CEP68: variants seen among roughly 807,000 people sequenced by gnomAD.
The protein encoded by CEP68 is centrosomal protein of 68 kDa.
CEP68 carries 26 observed loss-of-function variants against 55.3 expected under a neutral mutation model. That is an observed-to-expected ratio of 0.47 (90% CI 0.34 to 0.65). The LOEUF (loss-of-function observed/expected upper bound fraction) is 0.65. CEP68 is among the 30% of genes least tolerant of loss of function. The pLI is 0.01. For missense variants in CEP68, 957 were observed against 946.7 expected (o/e 1.01, Z -0.14); for synonymous variants, 402 against 383.2 (o/e 1.05, Z -0.57).
intron 1 of CEP68, among the ~76,000 whole-genome samples, chr2:65,066,935 A>G (rs1676218331): frequency 6.8e-6 from 1 of 147,464 alleles, no homozygotes; most frequent in Admixed American, 6.8e-5. Context: ...CTCTGTCTCA[A>G]AAAAAAAAAA....
At chr2:65,066,739 A>AG in intron 1 of CEP68, among the ~76,000 whole-genome samples, 1 of 97,158 alleles carries the variant, frequency 1.0e-5, no homozygotes, top group Non-Finnish European at 2.0e-5. Flanking sequence ...AAAAAAAAAA[A>AG]AAAAAAATAT....
At chr2:65,077,645 G>A (rs1676826871) in intron 4 of CEP68, among the ~76,000 whole-genome samples, 1 of 152,188 alleles carries the variant, frequency 6.6e-6, no homozygotes, top group African/African-American at 2.4e-5. Context: ...TGCTTCTGAT[G>A]TCAAACTAAA....
Position 65,072,142 on chromosome 2 carries a change from CACCTACTAATGTCTCCCCCAACTG to C in CEP68, c.1047_1070del (p.Thr351_Pro358del). On this transcript the variant is annotated inframe_deletion, in exon 3 of 7. Transcript: ENST00000377990. ...GTCTCTCCAGCAAGCACCCTCAAATCACCTACTAATGTCTCCCCCAACTGCCCACCAGCAGAGGCCACTGCCCTG... is the reference window on the plus strand; with the variant it reads ...GTCTCTCCAGCAAGCACCCTCAAATCCCCACCAGCAGAGGCCACTGCCCTG... 1 of 1,614,110 alleles carries C rather than the reference CACCTACTAATGTCTCCCCCAACTG, an allele frequency of 6.2e-7. No homozygotes were observed. The highest frequency in any genetic ancestry group is 1.1e-5 in the South Asian group (1 of 91,080).
In CEP68 at chr2:65,085,286, A is replaced by G. The variant is rs1161808146; in HGVS notation, c.*1652A>G. 6.6e-6 allele frequency: 1 copy of G among 152,230 alleles called. No homozygotes were observed. Among genetic ancestry groups the G allele is most frequent in the East Asian group, 1.9e-4 (1 of 5,196 alleles). The allele number at this position is 152,230 out of a possible 1,614,324, so 9.4% of individuals were successfully genotyped here. On this transcript the variant is annotated 3_prime_UTR_variant, in exon 7 of 7. Coordinates refer to ENST00000377990, the MANE Select transcript of CEP68 (RefSeq NM_015147.3). ...TGTGGCATTCTATTCCCATTCAACT[A>G]ATAATCAGCTTCAACTGACAGGAAT...
At chr2:65,077,667 ACTGACT>A (rs1287504962) in intron 4 of CEP68, among the ~76,000 whole-genome samples, 195 bp from the exon 5 acceptor site, 1 of 152,170 alleles carries the variant, frequency 6.6e-6, no homozygotes, top group African/African-American at 2.4e-5. Context: ...AGGAAAAACT[ACTGACT>A]CTATTTACCT....
chr2:65,062,951 C>G (rs1675984776), intron 1 of CEP68, among the ~76,000 whole-genome samples: 1 of 152,206 alleles, frequency 6.6e-6, no homozygotes, highest in Non-Finnish European at 1.5e-5. Context: ...AGCCTCACCC[C>G]TCCCACAGTT....
At chr2:65,058,249 A>G (rs1236999731) in intron 1 of CEP68, among the ~76,000 whole-genome samples, 3 of 152,122 alleles carry the variant, frequency 2.0e-5, no homozygotes, top group Non-Finnish European at 4.4e-5. Context: ...TCCATCACCC[A>G]GGCTGGAGTA....
chr2:65,063,495 T>C (rs1467662068), intron 1 of CEP68, among the ~76,000 whole-genome samples: 1 of 152,196 alleles, frequency 6.6e-6, no homozygotes. Flanking sequence ...ATTAGGAAAT[T>C]GTTTAAAGCT....
chr2:65,074,288 T>A lies in CEP68; in HGVS notation c.1891T>A (p.Cys631Ser). 6.2e-7 allele frequency: 1 copy of A among 1,614,192 alleles called. No individual in the cohort carries two copies. The highest frequency in any genetic ancestry group is 8.5e-7 in the Non-Finnish European group (1 of 1,179,998). The stretch of plus-strand genomic sequence containing the variant: ...CTTTTATTTGTCTCTGCAGACATTT[T>A]GCTGTCAGCTGGAAGAGCTGATCTG... ...ESLVQCVKTF[C>S]CQLEELICWL... Residue 631 changes from cysteine to serine, a missense_variant, in exon 4 of 7, where the codon TGC becomes AGC. Transcript: ENST00000377990.
chr2:65,077,892 C>T lies in CEP68; in HGVS notation c.2032C>T (p.His678Tyr). The T allele has an allele frequency of 6.2e-7, 1 of 1,613,694 alleles. No individual in the cohort carries two copies. The highest frequency in any genetic ancestry group is 2.2e-5 in the East Asian group (1 of 44,878). ...GCAATTTAAGAAAGATATAGATGAACATCAGTCTCTGACGGAGAGTGTCTT... is the reference window on the plus strand; with the variant it reads ...GCAATTTAAGAAAGATATAGATGAATATCAGTCTCTGACGGAGAGTGTCTT... ...YRQFKKDIDE[H>Y]QSLTESVLQK... is the part of the protein sequence containing the mutation. Residue 678 changes from histidine (H) to tyrosine (Y), a missense_variant, in exon 5 of 7, where the codon CAT (histidine) becomes TAT (tyrosine). His to Tyr is a moderately conservative substitution (Grantham distance 83). Transcript: ENST00000377990.
chr2:65,065,355 A>G (rs1676115767), intron 1 of CEP68, among the ~76,000 whole-genome samples: 1 of 152,252 alleles, frequency 6.6e-6, no homozygotes, highest in African/African-American at 2.4e-5. Context: ...CTAATAAGGG[A>G]CTGGTGAAAT....
In CEP68 at chr2:65,072,668, T is replaced by G. The variant is rs202182197; in HGVS notation, c.1572T>G (p.Ser524Arg). Reference protein sequence around the residue: ...KGQSPLEVSDSDGPASFPSSS... With the variant: ...KGQSPLEVSDRDGPASFPSSS... ...AGAGCCCCTTGGAAGTGTCAGACAG[T>G]GATGGGCCAGCTTCCTTCCCTTCAA... Residue 524 changes from serine (S) to arginine (R), a missense_variant, in exon 3 of 7, where the codon AGT (serine) becomes AGG (arginine). Coordinates refer to ENST00000377990, the MANE Select transcript of CEP68 (RefSeq NM_015147.3). The G allele has an allele frequency of 2.9e-4, 460 of 1,613,988 alleles. 1 individual carries two copies. Among genetic ancestry groups the G allele is most frequent in the Non-Finnish European group, 3.1e-4 (361 of 1,179,998 alleles).
intron 1 of CEP68, among the ~76,000 whole-genome samples, chr2:65,065,478 T>C (rs1676121061): frequency 6.6e-6 from 1 of 152,214 alleles, no homozygotes. Flanking sequence ...TTGGAAACCG[T>C]GACTCTGCCA....
intron 1 of CEP68, among the ~76,000 whole-genome samples, chr2:65,065,726 T>C (rs1020985206): frequency 6.6e-6 from 1 of 152,118 alleles, no homozygotes; most frequent in African/African-American, 2.4e-5. Context: ...CCCAGCACTT[T>C]GGGAGGCCAA....
At chr2:65,066,624 A>T (rs942537181) in intron 1 of CEP68, among the ~76,000 whole-genome samples, 2 of 149,116 alleles carry the variant, frequency 1.3e-5, no homozygotes, top group African/African-American at 4.9e-5. Flanking sequence ...GCTACTCGGG[A>T]GGCTGAGGCA....
At chr2:65,076,502 G>A (rs910476524) in intron 4 of CEP68, among the ~76,000 whole-genome samples, 6 of 152,130 alleles carry the variant, frequency 3.9e-5, no homozygotes, top group African/African-American at 1.4e-4. Context: ...CCCCTTGCCC[G>A]CACAGAATTG....
rs901866431 is a variant in CEP68, at chr2:65,084,620, A to C, written c.*986A>C. The C allele has an allele frequency of 2.0e-5, 3 of 152,218 alleles. No individual in the cohort carries two copies. The highest frequency in any genetic ancestry group is 7.2e-5 in the African/African-American group (3 of 41,454). 9.4% of individuals were successfully genotyped at this position (152,218 alleles called of 1,614,324 possible). ...TATTGCTGGTAACTGCAGATTCTAC[A>C]GAAAAGCACTTTTAAAGTTCTGTTG... On this transcript the variant is annotated 3_prime_UTR_variant, in exon 7 of 7. Coordinates refer to ENST00000377990, the MANE Select transcript of CEP68 (RefSeq NM_015147.3).
intron 1 of CEP68, among the ~76,000 whole-genome samples, chr2:65,058,248 C>G (rs2103737100): frequency 6.6e-6 from 1 of 152,222 alleles, no homozygotes. Flanking sequence ...CTCCATCACC[C>G]AGGCTGGAGT....
chr2:65,074,670 T>C (rs2103784289), intron 4 of CEP68: 1 of 424,544 alleles, frequency 2.4e-6, no homozygotes, highest in African/African-American at 2.0e-5. Flanking sequence ...GCAGGTGCAG[T>C]GGGACAAGTC....
Sources: allele counts gnomAD v4.1 joint callset (sites outside exome capture counted in the v4.1 genomes callset), GRCh38; gene constraint gnomAD v4.1.1; transcripts MANE v1.5; gene names NCBI Gene and HGNC (gene_info 2026-07-23, HGNC 2026-07-21).